The following CAMK1D variants were observed in gnomAD, a reference collection of about 807,000 sequenced individuals.
CAMK1D encodes the protein calcium/calmodulin dependent protein kinase ID.
CAMK1D carries 9 observed loss-of-function variants against 47.7 expected under a neutral mutation model. The observed-to-expected ratio is 0.19, with a 90% CI of 0.11 to 0.33. The LOEUF (loss-of-function observed/expected upper bound fraction) is 0.33. Among genes scored for constraint, CAMK1D ranks in the 10% least tolerant of loss-of-function variants. The pLI, the probability that CAMK1D is intolerant of heterozygous loss-of-function variation, is 1.00. For missense variants in CAMK1D, 291 were observed against 488.7 expected (o/e 0.60, Z 3.81); for synonymous variants, 184 against 184.9 (o/e 0.99, Z 0.04).
intron 1 of CAMK1D, among the ~76,000 whole-genome samples, chr10:12,428,302 C>A (rs1362566752): frequency 6.6e-6 from 1 of 152,166 alleles, no homozygotes; most frequent in Non-Finnish European, 1.5e-5. Flanking sequence ...TCCCTGCTGG[C>A]TTTTCTGAGC....
Position 12,431,894 on chromosome 10 carries a change from C to T in CAMK1D, c.92+81984C>T, listed in dbSNP as rs569806041. ...TGATGATTCCTGACTCTTCTCCTGGCGTCACAGTTCCTCCAGCTGTGTTTC... is the reference window on the plus strand; with the variant it reads ...TGATGATTCCTGACTCTTCTCCTGGTGTCACAGTTCCTCCAGCTGTGTTTC... On this transcript the variant is annotated intron_variant, in intron 1 of 10. Transcript: ENST00000619168. Among the ~76,000 whole-genome samples, 3 of 152,344 alleles carry T rather than the reference C, an allele frequency of 2.0e-5. No homozygotes were observed. In the East Asian group the frequency reaches 5.8e-4, roughly 29 times the overall value.
chr10:12,380,717 A>G (rs146967470), intron 1 of CAMK1D, among the ~76,000 whole-genome samples: 20 of 152,226 alleles, frequency 1.3e-4, no homozygotes, highest in African/African-American at 2.4e-4. Context: ...TTAGCCAGGC[A>G]TGGGGTCACG....
intron 1 of CAMK1D, among the ~76,000 whole-genome samples, chr10:12,350,382 T>C (rs923292697): frequency 3.3e-5 from 5 of 152,264 alleles, no homozygotes; most frequent in Non-Finnish European, 2.9e-5. Flanking sequence ...AATTGGCATC[T>C]GCACGTACGA....
chr10:12,540,682 C>G (rs1037137290), intron 1 of CAMK1D, among the ~76,000 whole-genome samples: 2 of 152,172 alleles, frequency 1.3e-5, no homozygotes, highest in Admixed American at 1.3e-4. Context: ...AGAAATTAAG[C>G]TAATCGTGTG....
chr10:12,395,073 T>C (rs1838891895), intron 1 of CAMK1D, among the ~76,000 whole-genome samples: 1 of 134,938 alleles, frequency 7.4e-6, no homozygotes, highest in African/African-American at 3.3e-5. Context: ...TAATTTTTTT[T>C]TTTTTTTTTT....
At chr10:12,694,558 A>C (rs942664200) in intron 3 of CAMK1D, among the ~76,000 whole-genome samples, 2 of 80,194 alleles carry the variant, frequency 2.5e-5, no homozygotes, top group African/African-American at 9.7e-5. Flanking sequence ...TATTATATAT[A>C]AAATATATAA....
chr10:12,545,824 G>A (rs1413552532), intron 1 of CAMK1D, among the ~76,000 whole-genome samples: 2 of 151,402 alleles, frequency 1.3e-5, no homozygotes, highest in African/African-American at 4.9e-5. Context: ...AAAAGACATG[G>A]AATTTTGCCA....
At chr10:12,569,339 C>T (rs1478163196) in intron 2 of CAMK1D, among the ~76,000 whole-genome samples, 5 of 152,160 alleles carry the variant, frequency 3.3e-5, no homozygotes, top group Non-Finnish European at 7.4e-5. Flanking sequence ...ACATTGATTA[C>T]AGAAAATCTT....
Position 12,814,989 on chromosome 10 carries a change from A to G in CAMK1D, c.754+682A>G, listed in dbSNP as rs79802048. 4.6e-5 allele frequency among the ~76,000 whole-genome samples: 7 copies of G among 152,312 alleles called. No homozygotes were observed. The East Asian group carries it at 1.4e-3, about 29-fold the overall frequency. On this transcript the variant is annotated intron_variant, in intron 7 of 10. Transcript: ENST00000619168. Reference sequence around the variant, plus strand: ...CTGACATTTATTGAGTGCTGACTGTATGCTGAGCACAAGATGCTCTGTATG... The same window carrying G: ...CTGACATTTATTGAGTGCTGACTGTGTGCTGAGCACAAGATGCTCTGTATG...
At chr10:12,397,288 G>T (rs150793109) in intron 1 of CAMK1D, among the ~76,000 whole-genome samples, 2 of 152,090 alleles carry the variant, frequency 1.3e-5, no homozygotes, top group Non-Finnish European at 2.9e-5. Flanking sequence ...TCTTTCAAGC[G>T]CCCTAGGATG....
At chr10:12,631,368 C>T (rs80253933) in intron 2 of CAMK1D, among the ~76,000 whole-genome samples, 4,504 of 152,248 alleles carry the variant, frequency 0.03, 178 homozygotes, top group African/African-American at 0.09. Flanking sequence ...AGACAAGCTC[C>T]GCCCATAGTG....
chr10:12,744,287 T>C (rs1037392027), intron 3 of CAMK1D, among the ~76,000 whole-genome samples: 11 of 152,052 alleles, frequency 7.2e-5, no homozygotes, highest in Non-Finnish European at 1.0e-4. Context: ...AATTCTGCTG[T>C]GAACACTGAT....
At chr10:12,730,680 G>A (rs1438789544) in intron 3 of CAMK1D, among the ~76,000 whole-genome samples, 1 of 152,134 alleles carries the variant, frequency 6.6e-6, no homozygotes, top group African/African-American at 2.4e-5. Context: ...ACTGAGAAGG[G>A]GTGGCTGGTG....
At chr10:12,627,636 A>C (rs1202561831) in intron 2 of CAMK1D, among the ~76,000 whole-genome samples, 6 of 152,208 alleles carry the variant, frequency 3.9e-5, no homozygotes, top group African/African-American at 1.2e-4. Flanking sequence ...AAATGGAATC[A>C]TAGAGCACAT....
rs1246067032 is a variant in CAMK1D at position 12,791,244 on chromosome 10, C to A, written c.641+11C>A. On this transcript the variant is annotated intron_variant, in intron 6 of 10. Transcript: ENST00000619168. ...GATTGCCTACATCTTGTAAGTACTG[C>A]CTGCTGCCTTGGGTTCTTCCTCTAC... 1 of 1,612,616 alleles carries A rather than the reference C, an allele frequency of 6.2e-7. No individual in the cohort carries two copies. The highest frequency in any genetic ancestry group is 8.5e-7 in the Non-Finnish European group (1 of 1,178,886).
At position 12,545,453 on chromosome 10, in the gene CAMK1D, TAAAA is replaced by T. The variant is rs59666684; in HGVS notation, c.93-7752_93-7749del. Among the ~76,000 whole-genome samples the T allele has an allele frequency of 1.3e-4, 7 of 52,268 alleles. 1 individual carries two copies. In the South Asian group the frequency reaches 2.2e-3, roughly 17 times the overall value. The allele number at this position is 52,268 out of a possible 152,430, so 34.3% of individuals were successfully genotyped here. ...GACAGAGCGAGACTCCATCTCACAG[TAAAA>T]AAAAAAAAAAAAAAAAAAAGGAGGA... On this transcript the variant is annotated intron_variant, in intron 1 of 10. Coordinates refer to ENST00000619168, the MANE Select transcript of CAMK1D (RefSeq NM_153498.4).
intron 8 of CAMK1D, 45 bp downstream of exon 8, chr10:12,816,373 T>G: frequency 6.6e-7 from 1 of 1,507,326 alleles, no homozygotes; most frequent in Non-Finnish European, 9.1e-7. Flanking sequence ...TTTAATGCCA[T>G]CTGGGGGGGG....
intron 8 of CAMK1D, among the ~76,000 whole-genome samples, chr10:12,816,734 T>G (rs1348332238): frequency 6.6e-6 from 1 of 151,746 alleles, no homozygotes; most frequent in Non-Finnish European, 1.5e-5. Flanking sequence ...TAGCTGGGCA[T>G]GGTGGCGCGC....
chr10:12,553,101 AAC>A (rs1836640377), intron 1 of CAMK1D, 122 bp from the exon 2 acceptor site: 2 of 1,532,254 alleles, frequency 1.3e-6, no homozygotes, highest in South Asian at 1.3e-5. Flanking sequence ...GGATAAAAGT[AAC>A]AGTAATGCTT....
Sources: allele counts gnomAD v4.1 joint callset (sites outside exome capture counted in the v4.1 genomes callset), GRCh38; gene constraint gnomAD v4.1.1; transcripts MANE v1.5; gene names NCBI Gene and HGNC (gene_info 2026-07-23, HGNC 2026-07-21).